Variants in THBS4 observed in about 807,000 individuals in gnomAD.
The protein encoded by THBS4 is thrombospondin-4.
THBS4 carries 90 observed loss-of-function variants against 115.7 expected under a neutral mutation model. The ratio of observed to expected loss-of-function variants is 0.78; its 90% CI spans 0.66 to 0.93. The LOEUF (loss-of-function observed/expected upper bound fraction) is 0.93, where lower values mean the gene tolerates loss of function less well. Among genes scored for constraint, THBS4 ranks in the 40% least tolerant of loss-of-function variants. The probability of loss-of-function intolerance (pLI) is 0.00; values close to 1 mark genes in which losing one functional copy is unlikely to be tolerated. For missense variants in THBS4, 1,087 were observed against 1,232.7 expected (o/e 0.88, Z 1.77); for synonymous variants, 460 against 479.3 (o/e 0.96, Z 0.53).
At chr5:80,055,398 C>G (rs1833389574) in intron 2 of THBS4, among the ~76,000 whole-genome samples, 4 of 151,806 alleles carry the variant, frequency 2.6e-5, no homozygotes, top group Admixed American at 2.6e-4. Flanking sequence ...TAGTGCTCAG[C>G]AAGTGTTTGG....
chr5:80,059,578 T>C, intron 6 of THBS4, 87 bp downstream of exon 6: 1 of 1,593,564 alleles, frequency 6.3e-7, no homozygotes, highest in Non-Finnish European at 8.6e-7. Context: ...TGACCGCAGT[T>C]TCTGAAGGTC....
chr5:80,033,652 CAGATCTGAGAG>C (rs1832629863), upstream of THBS4, among the ~76,000 whole-genome samples: 1 of 152,196 alleles, frequency 6.6e-6, no homozygotes, highest in Non-Finnish European at 1.5e-5. Flanking sequence ...AGGTGAGCAC[CAGATCTGAGAG>C]GAAACAGGCA....
chr5:80,004,850 G>A (rs1831984132), intron 2 of THBS4, among the ~76,000 whole-genome samples: 1 of 152,088 alleles, frequency 6.6e-6, no homozygotes, highest in Non-Finnish European at 1.5e-5. Flanking sequence ...TGATTCTCCT[G>A]CCTCAGCCTC....
Position 80,061,743 on chromosome 5 carries a change from C to T in THBS4, c.1036C>T (p.Pro346Ser), listed in dbSNP as rs1833644173. The T allele has an allele frequency of 1.9e-6, 3 of 1,614,116 alleles. No individual in the cohort carries two copies. The East Asian group carries it at 6.7e-5, about 36-fold the overall frequency. The change falls in exon 8 of 22, where the codon CCT (proline) becomes TCT (serine). Residue 346 changes from proline (P) to serine (S), a missense_variant. By Grantham distance (74) the Pro-to-Ser change is moderately conservative. Coordinates refer to ENST00000350881, the MANE Select transcript of THBS4 (RefSeq NM_003248.6). ...GGGCGTGCACTGCATAAATTTGTCT[C>T]CTGGCTTCAGATGTGACGCCTGCCC... ...YPGVHCINLSPGFRCDACPVG... is the reference protein window; with the variant it reads ...YPGVHCINLSSGFRCDACPVG...
At chr5:80,052,401 A>C (rs1264670503) in intron 2 of THBS4, 1 of 152,246 alleles carries the variant, frequency 6.6e-6, no homozygotes. Flanking sequence ...GAAATACCTT[A>C]GAATTTCTAT....
At chr5:80,031,547 A>G (rs1326093924), upstream of THBS4, among the ~76,000 whole-genome samples, 1 of 152,264 alleles carries the variant, frequency 6.6e-6, no homozygotes, top group Non-Finnish European at 1.5e-5. Flanking sequence ...GGAGTCAACT[A>G]AACAGCTCTG....
At chr5:80,082,588 T>G in intron 21 of THBS4, 43 bp downstream of exon 21, 1 of 1,609,020 alleles carries the variant, frequency 6.2e-7, no homozygotes, top group South Asian at 1.1e-5. Context: ...TTACTAGAAT[T>G]AGTCAAACAC....
At chr5:80,061,545 G>T in intron 7 of THBS4, 150 bp from the exon 8 acceptor site, 1 of 1,028,184 alleles carries the variant, frequency 9.7e-7, no homozygotes, top group Non-Finnish European at 1.4e-6. Flanking sequence ...GATTCAGTGG[G>T]TAACTGGAGT....
At chr5:80,029,205 G>A (rs1832538436) in intron 2 of THBS4, among the ~76,000 whole-genome samples, 1 of 152,090 alleles carries the variant, frequency 6.6e-6, no homozygotes, top group Non-Finnish European at 1.5e-5. Context: ...TTTGTTTTAT[G>A]CCATATTAAT....
chr5:80,070,304 A>G lies in THBS4; in HGVS notation c.1348-2A>G. ...GGCCTCTGATGGGCTTTCCCTTTAC[A>G]GTGTGGAGTCGGTTGGGCTGGAGAT... On this transcript the variant is annotated splice_acceptor_variant, in intron 10 of 21. Transcript: ENST00000350881. LOFTEE classifies it high-confidence loss of function. 1.3e-6 allele frequency: 2 copies of G among 1,571,016 alleles called. No individual in the cohort carries two copies. Among genetic ancestry groups the G allele is most frequent in the East Asian group, 2.2e-5 (1 of 44,740 alleles).
At chr5:80,011,759 AC>A (rs1832130748) in intron 2 of THBS4, among the ~76,000 whole-genome samples, 1 of 152,078 alleles carries the variant, frequency 6.6e-6, no homozygotes, top group African/African-American at 2.4e-5. Context: ...TGCACCTGAA[AC>A]CCCAAGTCAC....
chr5:80,080,813 C>T (rs1743465635), intron 20 of THBS4, among the ~76,000 whole-genome samples: 1 of 151,944 alleles, frequency 6.6e-6, no homozygotes. Context: ...TCTTGATCTC[C>T]TGACCTCGTG....
intron 2 of THBS4, among the ~76,000 whole-genome samples, chr5:80,045,031 G>A (rs1010356509): frequency 1.3e-5 from 2 of 151,988 alleles, no homozygotes; most frequent in African/African-American, 4.8e-5. Context: ...TATAAAATGG[G>A]GATAATAATA....
intron 2 of THBS4, among the ~76,000 whole-genome samples, chr5:80,003,268 A>G (rs895720147): frequency 1.4e-4 from 22 of 152,200 alleles, no homozygotes; most frequent in African/African-American, 5.3e-4. Context: ...ACATTTCATA[A>G]ACTTTTAAAA....
intron 1 of THBS4, among the ~76,000 whole-genome samples, chr5:80,039,413 T>C (rs1363318744): frequency 6.6e-6 from 1 of 152,250 alleles, no homozygotes; most frequent in Non-Finnish European, 1.5e-5. Context: ...AGATTCTGAT[T>C]TTTGTAGAGC....
chr5:80,065,313 C>A, intron 8 of THBS4, 96 bp from the exon 9 acceptor site: 2 of 1,101,612 alleles, frequency 1.8e-6, no homozygotes, highest in Non-Finnish European at 2.7e-6. Context: ...TCCGCATCTT[C>A]ACTTCACACA....
intron 2 of THBS4, among the ~76,000 whole-genome samples, chr5:80,050,551 T>A (rs536307550): frequency 6.6e-6 from 1 of 152,340 alleles, no homozygotes; most frequent in South Asian, 2.1e-4. Flanking sequence ...AATAGTGATG[T>A]TCCCCCAATT....
At chr5:80,051,440 A>G (rs1833254062) in intron 2 of THBS4, among the ~76,000 whole-genome samples, 1 of 152,232 alleles carries the variant, frequency 6.6e-6, no homozygotes, top group Non-Finnish European at 1.5e-5. Context: ...AGAATGGGAA[A>G]TGTCAAGGCA....
chr5:80,044,215 C>CAGGG (rs1580939681), intron 2 of THBS4, among the ~76,000 whole-genome samples: 2 of 152,172 alleles, frequency 1.3e-5, no homozygotes, highest in East Asian at 3.9e-4. Context: ...TGGTTGGGAG[C>CAGGG]TCTCTTGAGA....
Sources: gnomAD v4.1 joint callset for allele counts (sites outside exome capture counted in the v4.1 genomes callset) on GRCh38, gnomAD v4.1.1 for gene constraint, MANE v1.5 for transcripts, NCBI Gene and HGNC (gene_info 2026-07-23, HGNC 2026-07-21) for gene names.